SLC15A3: variants seen among roughly 807,000 people sequenced by gnomAD.
SLC15A3 encodes osteoclast transporter.
SLC15A3 carries 39 observed loss-of-function variants against 49.2 expected under a neutral mutation model. That is an observed-to-expected ratio of 0.79 (90% CI 0.61 to 1.04). SLC15A3 has a LOEUF of 1.04. SLC15A3 is among the 50% of genes least tolerant of loss of function. The pLI is 0.00. For missense variants in SLC15A3, 758 were observed against 794.8 expected (o/e 0.95, Z 0.56); for synonymous variants, 339 against 367.0 (o/e 0.92, Z 0.87).
In SLC15A3 at chr11:60,946,757, A is replaced by C. The variant is rs775508489; in HGVS notation, c.623T>G (p.Leu208Arg). The C allele has an allele frequency of 6.2e-7, 1 of 1,613,882 alleles. No individual in the cohort carries two copies. Among genetic ancestry groups the C allele is most frequent in the Non-Finnish European group, 8.5e-7 (1 of 1,179,966 alleles). The change falls in exon 2 of 8, where the codon CTG becomes CGG. Residue 208 changes from leucine to arginine, a missense_variant. This residue lies in a region of SLC15A3 where 699 missense variants were observed against 706.7 expected (regional missense o/e 0.99). Coordinates refer to ENST00000227880, the MANE Select transcript of SLC15A3 (RefSeq NM_016582.3). ...CACCAGCAGCGACAGCACAGCACCC[A>C]GGTTGATGCTCCAGTAAAACCAGTT... is the stretch of plus-strand genomic sequence containing the variant. Reference protein sequence around the residue: ...FFNWFYWSINLGAVLSLLVVA... With the variant: ...FFNWFYWSINRGAVLSLLVVA...
chr11:60,937,940 T>C lies in SLC15A3; in HGVS notation c.1521A>G (p.Ser507=), dbSNP rs139114912. 63 of 1,614,172 alleles carry C rather than the reference T, an allele frequency of 3.9e-5. No individual in the cohort carries two copies. The African/African-American group carries it at 6.7e-4, about 17-fold the overall frequency. Residue 507 remains serine, a synonymous_variant, in exon 7 of 8, where the codon TCA becomes TCG. Coordinates refer to ENST00000227880, the MANE Select transcript of SLC15A3 (RefSeq NM_016582.3). ...GIFFCLSGVG[S]LLGSSLVALL... Reference sequence around the variant, plus strand: ...GTGCCACTAGGCTGGAGCCCAACAGTGAGCCCACCCCCGACAGGCAGAAGA... The same window carrying C: ...GTGCCACTAGGCTGGAGCCCAACAGCGAGCCCACCCCCGACAGGCAGAAGA...
chr11:60,943,102 C>A (rs1856742400), intron 3 of SLC15A3: 1 of 152,238 alleles, frequency 6.6e-6, no homozygotes, highest in Admixed American at 6.5e-5. Context: ...ACTTCCCCAG[C>A]AATTCTGATT....
At chr11:60,939,836 T>C in intron 5 of SLC15A3, 198 bp from the exon 6 acceptor site, 1 of 602,136 alleles carries the variant, frequency 1.7e-6, no homozygotes, top group East Asian at 2.8e-5. Flanking sequence ...TCTTGGCTGC[T>C]AGAAGCTCCA....
chr11:60,938,533 A>T (rs1044418995), intron 6 of SLC15A3, among the ~76,000 whole-genome samples: 2 of 151,960 alleles, frequency 1.3e-5, no homozygotes, highest in Non-Finnish European at 2.9e-5. Flanking sequence ...GCATCAGTCT[A>T]AAGGACCTCG....
In SLC15A3 at chr11:60,951,121, G is replaced by T; in HGVS notation, c.431C>A (p.Pro144His). 2 of 1,483,652 alleles carry T rather than the reference G, an allele frequency of 1.3e-6. No individual in the cohort carries two copies. Among genetic ancestry groups the T allele is most frequent in the East Asian group, 2.7e-5 (1 of 36,438 alleles). The allele number at this position is 1,483,652 out of a possible 1,614,324, so 91.9% of individuals were successfully genotyped here. A position where few individuals can be genotyped will look rare whatever the true frequency, so the allele number is the denominator to read the frequency against. Residue 144 changes from proline (P) to histidine (H), a missense_variant, in exon 1 of 8, where the codon CCC (proline) becomes CAC (histidine). Physicochemically the swap from Pro to His is moderately conservative, Grantham distance 77. Transcript: ENST00000227880. ...MPASPLGPAC[P>H]SAGCPRSSPS... ...CGAGGAGCGCGGGCAGCCGGCCGAGGGGCAGGCAGGTCCCAGCGGCGACGC... is the reference window on the plus strand; with the variant it reads ...CGAGGAGCGCGGGCAGCCGGCCGAGTGGCAGGCAGGTCCCAGCGGCGACGC...
intron 1 of SLC15A3, among the ~76,000 whole-genome samples, chr11:60,950,764 C>T (rs547375360): frequency 6.2e-4 from 95 of 152,374 alleles, no homozygotes; most frequent in Non-Finnish European, 1.2e-3. Context: ...GCACTGCAGC[C>T]TGGGCGACAG....
chr11:60,950,016 T>C (rs1429805570), intron 1 of SLC15A3, among the ~76,000 whole-genome samples: 2 of 152,242 alleles, frequency 1.3e-5, no homozygotes, highest in African/African-American at 4.8e-5. Flanking sequence ...TTGTTGGGCA[T>C]TTACTCATTC....
chr11:60,942,931 C>T (rs1856737033), intron 3 of SLC15A3: 1 of 147,802 alleles, frequency 6.8e-6, no homozygotes, highest in Admixed American at 6.8e-5. Context: ...TGCTGCCCAC[C>T]CTCCTATCAC....
At chr11:60,948,896 A>T (rs972640385) in intron 1 of SLC15A3, among the ~76,000 whole-genome samples, 4 of 152,188 alleles carry the variant, frequency 2.6e-5, no homozygotes, top group Admixed American at 2.6e-4. Flanking sequence ...GGAGGTCAAT[A>T]GGGTCAATGA....
In SLC15A3 at chr11:60,941,008, C is replaced by T. The variant is rs1856699630; in HGVS notation, c.1276+114G>A. The T allele has an allele frequency of 3.3e-6, 4 of 1,203,878 alleles. No individual in the cohort carries two copies. In the East Asian group the frequency reaches 1.1e-4, roughly 33 times the overall value. The allele number at this position is 1,203,878 out of a possible 1,614,324, so 74.6% of individuals were successfully genotyped here. A position where few individuals can be genotyped will look rare whatever the true frequency, so the allele number is the denominator to read the frequency against. ...CACCTCTGGGAAGCCAACACTGACGCCCACTGGGAGAGGCTGAACTTGGTC... is the reference window on the plus strand; with the variant it reads ...CACCTCTGGGAAGCCAACACTGACGTCCACTGGGAGAGGCTGAACTTGGTC... On this transcript the variant is annotated intron_variant, in intron 5 of 7. Coordinates refer to ENST00000227880, the MANE Select transcript of SLC15A3 (RefSeq NM_016582.3).
At chr11:60,944,272 T>A (rs1346635938) in intron 2 of SLC15A3, among the ~76,000 whole-genome samples, 2 of 152,070 alleles carry the variant, frequency 1.3e-5, no homozygotes, top group Non-Finnish European at 2.9e-5. Flanking sequence ...TATCAGCACG[T>A]CTCTGAAATC....
At chr11:60,946,380 C>T (rs983478921) in intron 2 of SLC15A3, 152 bp downstream of exon 2, 5 of 820,718 alleles carry the variant, frequency 6.1e-6, no homozygotes, top group Non-Finnish European at 7.2e-6. Context: ...TCAGTCACAG[C>T]GGGCAGCTCT....
chr11:60,939,463 G>C lies in SLC15A3; in HGVS notation c.1435+17C>G, dbSNP rs762528810. On this transcript the variant is annotated intron_variant, in intron 6 of 7. Coordinates refer to ENST00000227880, the MANE Select transcript of SLC15A3 (RefSeq NM_016582.3). ...GCCCATCACTGGTGCAGGAGCAGGG[G>C]AGGGGATCCAGGGTACCTGGGATGC... The C allele has an allele frequency of 1.7e-5, 28 of 1,613,106 alleles. No individual in the cohort carries two copies. The highest frequency in any genetic ancestry group is 2.3e-5 in the Non-Finnish European group (27 of 1,179,450).
intron 6 of SLC15A3, among the ~76,000 whole-genome samples, chr11:60,938,920 C>T (rs555179173): frequency 1.1e-4 from 16 of 152,280 alleles, no homozygotes; most frequent in African/African-American, 2.9e-4. Context: ...GCCCTGGGCC[C>T]GCAGCTGAGG....
intron 1 of SLC15A3, among the ~76,000 whole-genome samples, chr11:60,949,446 GAA>G (rs1856858597): frequency 7.6e-6 from 1 of 132,300 alleles, no homozygotes; most frequent in African/African-American, 2.7e-5. Flanking sequence ...AAGAAAGAAA[GAA>G]AGAGAAAGAA....
chr11:60,943,556 C>A (rs980368714), intron 3 of SLC15A3, 133 bp downstream of exon 3: 13 of 958,084 alleles, frequency 1.4e-5, no homozygotes, highest in South Asian at 4.0e-5. Context: ...CTAGCTGGTA[C>A]GGGGCAGCAC....
chr11:60,950,748 G>A (rs1354903722), intron 1 of SLC15A3, among the ~76,000 whole-genome samples: 1 of 152,246 alleles, frequency 6.6e-6, no homozygotes, highest in Non-Finnish European at 1.5e-5. Context: ...CTGAGATCGC[G>A]CCATTGCACT....
chr11:60,952,067 ACCT>A lies in SLC15A3; in HGVS notation c.-519_-517del. On this transcript the variant is annotated 5_prime_UTR_variant, in exon 1 of 8. Transcript: ENST00000227880. ...CCTGCTGCCCCTTGCCGTCTTCTCCACCTCCTCCCTGTCCCCCTCACCCCCACT... is the reference window on the plus strand; with the variant it reads ...CCTGCTGCCCCTTGCCGTCTTCTCCACCTCCCTGTCCCCCTCACCCCCACT... 7.2e-6 allele frequency among the ~76,000 whole-genome samples: 1 copy of A among 139,768 alleles called. No homozygotes were observed. The highest frequency in any genetic ancestry group is 2.1e-4 in the East Asian group (1 of 4,666). 91.7% of individuals were successfully genotyped at this position (139,768 alleles called of 152,430 possible). A position where few individuals can be genotyped will look rare whatever the true frequency, so the allele number is the denominator to read the frequency against.
intron 1 of SLC15A3, among the ~76,000 whole-genome samples, chr11:60,949,331 C>T (rs12276278): frequency 0.11 from 14,769 of 137,854 alleles, 2,078 homozygotes; most frequent in African/African-American, 0.33. Context: ...AGCGAGACTC[C>T]GTCAAAAGAA....
Sources: gnomAD v4.1 joint callset for allele counts (sites outside exome capture counted in the v4.1 genomes callset) on GRCh38, gnomAD v4.1.1 for gene constraint, gnomAD v4.1.1 regional missense constraint, MANE v1.5 for transcripts, NCBI Gene and HGNC (gene_info 2026-07-23, HGNC 2026-07-21) for gene names.